ALG9: variants seen among roughly 807,000 people sequenced by gnomAD.
ALG9 encodes ALG9 alpha-1,2-mannosyltransferase.
Under a neutral mutation model 81.8 loss-of-function variants are expected in ALG9, and 55 were observed. The ratio of observed to expected loss-of-function variants is 0.67; its 90% CI spans 0.54 to 0.84. ALG9 has a LOEUF of 0.84. Among genes scored for constraint, ALG9 ranks in the 40% least tolerant of loss-of-function variants. The pLI is 0.00. For missense variants in ALG9, 629 were observed against 745.0 expected, an observed-to-expected ratio of 0.84 and a Z score of 1.81; for synonymous variants, 278 against 274.3, an observed-to-expected ratio of 1.01 and a Z score of -0.13.
chr11:111,774,726 G>A, the ALG9 span, among the ~76,000 whole-genome samples: 2 of 152,180 alleles, frequency 1.3e-5, no homozygotes, highest in African/African-American at 4.8e-5. Flanking sequence ...GAACCATGAA[G>A]ATTATTACCT....
At position 111,785,021 on chromosome 11, in the gene ALG9, A is replaced by G. The variant is rs994128483; in HGVS notation, c.*1376T>C. 6.5e-6 allele frequency: 1 copy of G among 152,678 alleles called. No homozygotes were observed. The highest frequency in any genetic ancestry group is 1.9e-4 in the East Asian group (1 of 5,202). 9.5% of individuals were successfully genotyped at this position (152,678 alleles called of 1,614,324 possible). On this transcript the variant is annotated 3_prime_UTR_variant, in exon 15 of 15. Coordinates refer to ENST00000616540, the MANE Select transcript of ALG9 (RefSeq NM_024740.2). ...CAGACACAATTCTTCCTTAAAATAGAAAGTTACAATATCAGTTAGGTCTCT... is the reference window on the plus strand; with the variant it reads ...CAGACACAATTCTTCCTTAAAATAGGAAGTTACAATATCAGTTAGGTCTCT...
Position 111,844,783 on chromosome 11 carries a change from C to T in ALG9, c.896-60G>A, listed in dbSNP as rs1293528515. On this transcript the variant is annotated intron_variant, in intron 8 of 14. Coordinates refer to ENST00000616540, the MANE Select transcript of ALG9 (RefSeq NM_024740.2). The stretch of plus-strand genomic sequence containing the variant: ...GATGCCTTTAACACCTATTACGGTG[C>T]TTGACATATAATGTTCTTTGTTGGA... 9 of 1,565,314 alleles carry T rather than the reference C, an allele frequency of 5.7e-6. No homozygotes were observed. The East Asian group carries it at 2.0e-4, about 35-fold the overall frequency.
In ALG9 at chr11:111,785,131, TG is replaced by T. The variant is rs1362751960; in HGVS notation, c.*1265del. The stretch of plus-strand genomic sequence containing the variant: ...AGCAATAGATGAGAGTAAGGAAACC[TG>T]GGTTCCAGTCCCAGCTCTATTACTT... On this transcript the variant is annotated 3_prime_UTR_variant, in exon 15 of 15. Coordinates refer to ENST00000616540, the MANE Select transcript of ALG9 (RefSeq NM_024740.2). 6.6e-6 allele frequency: 1 copy of T among 152,596 alleles called. No homozygotes were observed. Among genetic ancestry groups the T allele is most frequent in the Non-Finnish European group, 1.5e-5 (1 of 68,042 alleles). 9.5% of individuals were successfully genotyped at this position (152,596 alleles called of 1,614,324 possible).
Position 111,871,476 on chromosome 11 carries a change from T to A in ALG9, c.7A>T (p.Ser3Cys). The A allele has an allele frequency of 6.5e-7, 1 of 1,536,614 alleles. No homozygotes were observed. The highest frequency in any genetic ancestry group is 1.2e-5 in the South Asian group (1 of 83,992). ...TTCAGGCGCTGCCGAGCCCCTCGAC[T>A]AGCCATGGCAAGCCTGGGGAAAAAA... The part of the protein sequence containing the change: MA[S>C]RGARQRLKGS... The change falls in exon 1 of 15, where the codon AGT (serine) becomes TGT (cysteine). Residue 3 changes from serine (S) to cysteine (C), a missense_variant. Around this residue, in one of 3 missense-constraint regions of ALG9, gnomAD observed 344 missense variants for 390.5 expected, o/e 0.88. Coordinates refer to ENST00000616540, the MANE Select transcript of ALG9 (RefSeq NM_024740.2).
At chr11:111,842,914 C>T (rs1428533479) in intron 9 of ALG9, among the ~76,000 whole-genome samples, 8 of 152,058 alleles carry the variant, frequency 5.3e-5, no homozygotes, top group African/African-American at 1.9e-4. Context: ...ACGTTACAAG[C>T]ATTTCCAAAT....
At chr11:111,779,884 CACT>C (rs1233474857), downstream of ALG9, among the ~76,000 whole-genome samples, 2 of 152,198 alleles carry the variant, frequency 1.3e-5, no homozygotes, top group African/African-American at 2.4e-5. Flanking sequence ...CTTTCCTTGT[CACT>C]ACAATTCCAT....
At chr11:111,851,615 T>C (rs1406341232) in intron 8 of ALG9, among the ~76,000 whole-genome samples, 4 of 152,202 alleles carry the variant, frequency 2.6e-5, no homozygotes, top group Non-Finnish European at 5.9e-5. Context: ...GGTGGAGAAG[T>C]CAATTTTTCA....
intron 10 of ALG9, among the ~76,000 whole-genome samples, chr11:111,839,056 G>A (rs181193262): frequency 2.9e-4 from 44 of 151,924 alleles, no homozygotes; most frequent in African/African-American, 9.9e-4. Flanking sequence ...CATATTTTTT[G>A]GAATCTATCC....
At chr11:111,864,121 C>A (rs10891295) in intron 4 of ALG9, 1 of 481,262 alleles carries the variant, frequency 2.1e-6, no homozygotes, top group Non-Finnish European at 3.8e-6. Flanking sequence ...ACCTGTACCC[C>A]AAAAACTATT....
intron 4 of ALG9, among the ~76,000 whole-genome samples, chr11:111,861,884 A>C (rs1477230208): frequency 6.6e-6 from 1 of 152,070 alleles, no homozygotes; most frequent in Non-Finnish European, 1.5e-5. Flanking sequence ...ATTTTCTCTC[A>C]GGACTTTGAA....
At chr11:111,854,095 C>CTTTT (rs34575358) in intron 6 of ALG9, among the ~76,000 whole-genome samples, 3 of 117,780 alleles carry the variant, frequency 2.5e-5, no homozygotes, top group Admixed American at 9.7e-5. Flanking sequence ...TTATTACAGA[C>CTTTT]TTTTTTTTTT....
At chr11:111,788,424 G>C in intron 14 of ALG9, 1 of 453,998 alleles carries the variant, frequency 2.2e-6, no homozygotes, top group East Asian at 7.0e-5. Flanking sequence ...AAATGAACAG[G>C]AAGAGGAAGC....
intron 14 of ALG9, among the ~76,000 whole-genome samples, chr11:111,797,167 T>TC (rs1220202657): frequency 6.6e-6 from 1 of 152,256 alleles, no homozygotes; most frequent in Non-Finnish European, 1.5e-5. Context: ...GAAGTCTACT[T>TC]CTTTTCCCCT....
chr11:111,791,655 C>T (rs1947436408), intron 14 of ALG9, among the ~76,000 whole-genome samples: 1 of 152,226 alleles, frequency 6.6e-6, no homozygotes, highest in East Asian at 1.9e-4. Context: ...TCCGGCCACA[C>T]CAGGTCCTTT....
At chr11:111,812,278 G>A (rs1210537057) in intron 13 of ALG9, among the ~76,000 whole-genome samples, 2 of 152,098 alleles carry the variant, frequency 1.3e-5, no homozygotes, top group African/African-American at 4.8e-5. Context: ...TCTTAAAAAA[G>A]AAGAACAGGC....
At chr11:111,834,658 A>G (rs1385279456) in intron 13 of ALG9, among the ~76,000 whole-genome samples, 2 of 151,850 alleles carry the variant, frequency 1.3e-5, no homozygotes, top group Non-Finnish European at 2.9e-5. Flanking sequence ...TTTTTTTACT[A>G]CTCCATTTTT....
chr11:111,774,568 G>A, the ALG9 span, among the ~76,000 whole-genome samples: 1 of 152,120 alleles, frequency 6.6e-6, no homozygotes, highest in Non-Finnish European at 1.5e-5. Flanking sequence ...GAGATGGAAG[G>A]GAATTTTTTC....
intron 14 of ALG9, among the ~76,000 whole-genome samples, chr11:111,808,182 G>T (rs138854849): frequency 6.6e-6 from 1 of 152,312 alleles, no homozygotes; most frequent in African/African-American, 2.4e-5. Context: ...GCTACAAAAA[G>T]ACTTACAAGA....
chr11:111,793,087 G>A (rs1555071845), intron 14 of ALG9, among the ~76,000 whole-genome samples: 1 of 152,166 alleles, frequency 6.6e-6, no homozygotes, highest in African/African-American at 2.4e-5. Flanking sequence ...GGGTTCAAGT[G>A]ATCCTCCCAC....
Sources: allele counts gnomAD v4.1 joint callset (sites outside exome capture counted in the v4.1 genomes callset), GRCh38; gene constraint gnomAD v4.1.1; regional missense constraint gnomAD v4.1.1; transcripts MANE v1.5; gene names NCBI Gene and HGNC (gene_info 2026-07-23, HGNC 2026-07-21).